Variants in EFCAB11 observed in about 807,000 individuals in gnomAD.
EFCAB11 encodes the protein EF-hand calcium-binding domain-containing protein 11.
In EFCAB11, 14 loss-of-function variants were observed where a neutral mutation model predicts 23.0. The ratio of observed to expected loss-of-function variants is 0.61; its 90% CI spans 0.40 to 0.95. The LOEUF (loss-of-function observed/expected upper bound fraction) is 0.95. EFCAB11 is among the 40% of genes least tolerant of loss of function. The pLI is 0.00. For synonymous variants in EFCAB11, 65 were observed against 66.6 expected (o/e 0.98, Z 0.11); for missense variants, 198 against 195.8 (o/e 1.01, Z -0.07).
intron 5 of EFCAB11, among the ~76,000 whole-genome samples, chr14:89,843,740 T>A (rs905046012): frequency 6.6e-6 from 1 of 152,242 alleles, no homozygotes; most frequent in African/African-American, 2.4e-5. Flanking sequence ...TTTTGTAACA[T>A]CTTACACTGG....
intron 5 of EFCAB11, among the ~76,000 whole-genome samples, chr14:89,834,280 GCAGGTGAATCGCTTGAACC>G (rs1410703706): frequency 2.0e-5 from 3 of 147,272 alleles, no homozygotes; most frequent in Non-Finnish European, 4.4e-5. Flanking sequence ...GGAGGCTGAG[GCAGGTGAATCGCTTGAACC>G]CAGGAGGCGG....
At chr14:89,856,834 A>T (rs1428180462) in intron 5 of EFCAB11, among the ~76,000 whole-genome samples, 1 of 152,164 alleles carries the variant, frequency 6.6e-6, no homozygotes, top group East Asian at 1.9e-4. Context: ...TTAGATATTA[A>T]CCTTTATCAG....
chr14:89,951,881 C>T (rs1260917039), intron 2 of EFCAB11, among the ~76,000 whole-genome samples: 1 of 152,074 alleles, frequency 6.6e-6, no homozygotes, highest in Non-Finnish European at 1.5e-5. Context: ...GCCTAGATCA[C>T]GCCACTACAC....
At chr14:89,873,093 TG>T (rs1888332885) in intron 5 of EFCAB11, among the ~76,000 whole-genome samples, 1 of 152,188 alleles carries the variant, frequency 6.6e-6, no homozygotes, top group Non-Finnish European at 1.5e-5. Flanking sequence ...TACCAGAGAC[TG>T]GGTACTTTAT....
intron 5 of EFCAB11, among the ~76,000 whole-genome samples, chr14:89,854,335 G>A (rs372083338): frequency 9.2e-5 from 14 of 152,070 alleles, no homozygotes; most frequent in East Asian, 3.9e-4. Flanking sequence ...AGAGGTGCCC[G>A]CATCCTACAT....
intron 5 of EFCAB11, among the ~76,000 whole-genome samples, chr14:89,862,949 C>T (rs1887971082): frequency 6.6e-6 from 1 of 152,142 alleles, no homozygotes; most frequent in South Asian, 2.1e-4. Context: ...ATTTCCTCTG[C>T]ATTATTTCTT....
intron 5 of EFCAB11, among the ~76,000 whole-genome samples, chr14:89,804,611 A>G (rs901544895): frequency 6.6e-6 from 1 of 152,200 alleles, no homozygotes; most frequent in Non-Finnish European, 1.5e-5. Flanking sequence ...GACACAATGG[A>G]AAGTTTATTT....
intron 5 of EFCAB11, among the ~76,000 whole-genome samples, chr14:89,835,580 C>G (rs1331858068): frequency 9.4e-6 from 1 of 106,716 alleles, no homozygotes; most frequent in Non-Finnish European, 1.8e-5. Flanking sequence ...ATTAGGGATG[C>G]TCAACGTGTG....
chr14:89,867,969 T>G (rs1235751106), intron 5 of EFCAB11, among the ~76,000 whole-genome samples: 1 of 152,214 alleles, frequency 6.6e-6, no homozygotes, highest in African/African-American at 2.4e-5. Flanking sequence ...AAGATATGGA[T>G]GAACCACACT....
intron 5 of EFCAB11, among the ~76,000 whole-genome samples, chr14:89,851,061 A>G: frequency 6.6e-6 from 1 of 152,232 alleles, no homozygotes; most frequent in Non-Finnish European, 1.5e-5. Context: ...GTTATATTAT[A>G]GGAATTAACT....
At chr14:89,866,573 T>G (rs1447129344) in intron 5 of EFCAB11, among the ~76,000 whole-genome samples, 1 of 152,184 alleles carries the variant, frequency 6.6e-6, no homozygotes, top group Non-Finnish European at 1.5e-5. Context: ...TTGCACACCA[T>G]GCGTCTTGCC....
intron 5 of EFCAB11, among the ~76,000 whole-genome samples, chr14:89,861,811 C>T (rs1887932979): frequency 6.6e-6 from 1 of 151,926 alleles, no homozygotes. Flanking sequence ...TGTTATGATG[C>T]AGCAAGATGG....
intron 3 of EFCAB11, among the ~76,000 whole-genome samples, chr14:89,947,640 C>A (rs73324530): frequency 3.3e-5 from 5 of 152,162 alleles, no homozygotes; most frequent in Non-Finnish European, 5.9e-5. Flanking sequence ...GCTGACCACA[C>A]CTTCCTCATT....
At chr14:89,892,153 C>T (rs1888991911) in intron 5 of EFCAB11, 4 of 1,564,960 alleles carry the variant, frequency 2.6e-6, no homozygotes, top group Non-Finnish European at 2.6e-6. Context: ...CGGACAAGGT[C>T]ATCTTCCTGC....
At chr14:89,874,090 A>T (rs1888361947) in intron 5 of EFCAB11, among the ~76,000 whole-genome samples, 1 of 152,144 alleles carries the variant, frequency 6.6e-6, no homozygotes, top group Admixed American at 6.5e-5. Flanking sequence ...AGGTGTTTCC[A>T]TACATCCTCT....
intron 5 of EFCAB11, chr14:89,837,256 C>A (rs1887116623): frequency 2.6e-6 from 1 of 388,178 alleles, no homozygotes. Context: ...TTGCCCTGTG[C>A]CCTTCTGGGT....
intron 5 of EFCAB11, among the ~76,000 whole-genome samples, chr14:89,823,232 G>C (rs1026780111): frequency 6.6e-6 from 1 of 152,168 alleles, no homozygotes; most frequent in Non-Finnish European, 1.5e-5. Context: ...AGGAATATGG[G>C]CATCCACCAG....
intron 5 of EFCAB11, among the ~76,000 whole-genome samples, chr14:89,865,425 G>A (rs1888054644): frequency 1.3e-5 from 2 of 152,112 alleles, no homozygotes; most frequent in African/African-American, 2.4e-5. Flanking sequence ...TGAGTCCTGG[G>A]CGTCTGAAGA....
intron 5 of EFCAB11, among the ~76,000 whole-genome samples, chr14:89,847,620 T>A (rs1887470809): frequency 1.3e-5 from 2 of 151,868 alleles, no homozygotes; most frequent in South Asian, 2.1e-4. Flanking sequence ...ATGCCTGTAA[T>A]TCCAGCTACT....
Sources: allele counts gnomAD v4.1 joint callset (sites outside exome capture counted in the v4.1 genomes callset), GRCh38; gene constraint gnomAD v4.1.1; transcripts MANE v1.5; gene names NCBI Gene and HGNC (gene_info 2026-07-23, HGNC 2026-07-21).